Variants in RAB3GAP2 observed in about 807,000 individuals in gnomAD.
RAB3GAP2 encodes the protein rab3 GTPase-activating protein non-catalytic subunit.
In RAB3GAP2, 87 loss-of-function variants were observed where a neutral mutation model predicts 185.3. The observed-to-expected ratio is 0.47, with a 90% CI of 0.39 to 0.56. The LOEUF (loss-of-function observed/expected upper bound fraction) is 0.56. Among genes scored for constraint, RAB3GAP2 ranks in the 20% least tolerant of loss-of-function variants. The pLI is 0.00. For synonymous variants in RAB3GAP2, 554 were observed against 576.1 expected (o/e 0.96, Z 0.55); for missense variants, 1,492 against 1,638.2 (o/e 0.91, Z 1.54).
chr1:220,272,361 C>A lies in RAB3GAP2; in HGVS notation c.-24G>T. The A allele has an allele frequency of 1.3e-6, 2 of 1,557,262 alleles. No homozygotes were observed. The highest frequency in any genetic ancestry group is 1.1e-5 in the South Asian group (1 of 87,108). On this transcript the variant is annotated 5_prime_UTR_variant, in exon 1 of 35. Coordinates refer to ENST00000358951, the MANE Select transcript of RAB3GAP2 (RefSeq NM_012414.4). ...ATGGCTCCAGGGAACCCCACTACGG[C>A]ACTCACCTTACCTCACCACGCCCTG...
chr1:220,261,942 T>A (rs1419092562), intron 1 of RAB3GAP2, among the ~76,000 whole-genome samples: 1 of 152,034 alleles, frequency 6.6e-6, no homozygotes, highest in Non-Finnish European at 1.5e-5. Flanking sequence ...GTCGCGTTTT[T>A]AAATAATCTA....
intron 28 of RAB3GAP2, among the ~76,000 whole-genome samples, chr1:220,161,278 A>T (rs754919350): frequency 6.6e-6 from 1 of 152,192 alleles, no homozygotes; most frequent in Non-Finnish European, 1.5e-5. Flanking sequence ...AGTGGCCTAA[A>T]GTTGGGTCTT....
intron 1 of RAB3GAP2, among the ~76,000 whole-genome samples, chr1:220,270,903 T>C (rs975810032): frequency 6.6e-6 from 1 of 152,228 alleles, no homozygotes; most frequent in African/African-American, 2.4e-5. Flanking sequence ...TACTGCCTCA[T>C]TGCCCCAACT....
chr1:220,167,616 A>G lies in RAB3GAP2; in HGVS notation c.2866T>C (p.Leu956=), dbSNP rs1463867409. ...IFKQDFSPEV[L]KLANEERDAE... ...TCTCTTTCTTCATTAGCCAGTTTTAATACTTCAGGGCTGAAGTCCTGTTTA... is the reference window on the plus strand; with the variant it reads ...TCTCTTTCTTCATTAGCCAGTTTTAGTACTTCAGGGCTGAAGTCCTGTTTA... The change falls in exon 25 of 35, where the codon TTA becomes CTA. Residue 956 remains leucine (L), a synonymous_variant. Coordinates refer to ENST00000358951, the MANE Select transcript of RAB3GAP2 (RefSeq NM_012414.4). 1.9e-6 allele frequency: 3 copies of G among 1,614,118 alleles called. No homozygotes were observed. The highest frequency in any genetic ancestry group is 8.5e-7 in the Non-Finnish European group (1 of 1,179,976).
chr1:220,197,053 C>T (rs1238718104), intron 9 of RAB3GAP2, among the ~76,000 whole-genome samples: 1 of 151,486 alleles, frequency 6.6e-6, no homozygotes, highest in African/African-American at 2.4e-5. Context: ...ATGGTGCAAT[C>T]TCAGCTCACT....
At chr1:220,203,666 TACCC>T (rs1287172840) in intron 8 of RAB3GAP2, among the ~76,000 whole-genome samples, 1 of 152,232 alleles carries the variant, frequency 6.6e-6, no homozygotes, top group African/African-American at 2.4e-5. Context: ...ATAAACTTCT[TACCC>T]ACAGGAAATT....
In RAB3GAP2 at chr1:220,157,425, C is replaced by G. The variant is rs138489010; in HGVS notation, c.3400G>C (p.Val1134Leu). The G allele has an allele frequency of 6.1e-5, 99 of 1,613,986 alleles. No homozygotes were observed. In the East Asian group the frequency reaches 2.2e-3, roughly 35 times the overall value. Residue 1134 changes from valine (V) to leucine (L), a missense_variant, in exon 31 of 35, where the codon GTG (valine) becomes CTG (leucine). This residue lies in a region of RAB3GAP2 where 387 missense variants were observed against 455.3 expected (regional missense o/e 0.85). Transcript: ENST00000358951. ...VLDTEDAWLS[V>L]EGPISIVELA... ...TCCACTATGGAGATTGGTCCTTCCA[C>G]GGAGAGCCACGCATCCTCAGTATCC...
chr1:220,185,685 G>A lies in RAB3GAP2; in HGVS notation c.1836C>T (p.Ile612=). The part of the protein sequence containing the change: ...ERLPFSCLRN[I]TQTLMDTLKS... Reference sequence around the variant, plus strand: ...TTAAAGTGTCCATTAAAGTCTGAGTGATGTTTCTAAGGCAAGAAAATGGTA... The same window carrying A: ...TTAAAGTGTCCATTAAAGTCTGAGTAATGTTTCTAAGGCAAGAAAATGGTA... Residue 612 remains isoleucine (I), a synonymous_variant, in exon 18 of 35, where the codon ATC becomes ATT. Coordinates refer to ENST00000358951, the MANE Select transcript of RAB3GAP2 (RefSeq NM_012414.4). 1 of 1,612,360 alleles carries A rather than the reference G, an allele frequency of 6.2e-7. No homozygotes were observed. The highest frequency in any genetic ancestry group is 1.1e-5 in the South Asian group (1 of 91,046).
intron 4 of RAB3GAP2, among the ~76,000 whole-genome samples, chr1:220,211,865 G>C (rs1173794906): frequency 6.6e-6 from 1 of 152,144 alleles, no homozygotes; most frequent in Non-Finnish European, 1.5e-5. Context: ...AAAACACTTA[G>C]ACTAAATGGC....
intron 1 of RAB3GAP2, among the ~76,000 whole-genome samples, chr1:220,242,513 A>C (rs1210869506): frequency 8.7e-6 from 1 of 114,338 alleles, no homozygotes. Context: ...CATTGAAATG[A>C]AGGTTTCCGT....
intron 2 of RAB3GAP2, among the ~76,000 whole-genome samples, chr1:220,220,898 A>AAATTGCCC (rs1659293949): frequency 2.6e-5 from 4 of 152,164 alleles, no homozygotes; most frequent in Admixed American, 2.6e-4. Flanking sequence ...TTTCTTTTGT[A>AAATTGCCC]AATTGCCCAG....
chr1:220,222,612 T>G (rs1659327866), intron 2 of RAB3GAP2, among the ~76,000 whole-genome samples: 1 of 152,240 alleles, frequency 6.6e-6, no homozygotes, highest in African/African-American at 2.4e-5. Flanking sequence ...TTTCTAGCAT[T>G]AGAGGAACTT....
chr1:220,272,280 A>C lies in RAB3GAP2; in HGVS notation c.58T>G (p.Phe20Val), dbSNP rs1254691892. 1.9e-6 allele frequency: 3 copies of C among 1,612,318 alleles called. No homozygotes were observed. The highest frequency in any genetic ancestry group is 4.5e-5 in the East Asian group (2 of 44,808). Residue 20 changes from phenylalanine (F) to valine (V), a missense_variant, in exon 1 of 35, where the codon TTC becomes GTC. Physicochemically the swap from Phe to Val is conservative, Grantham distance 50. Coordinates refer to ENST00000358951, the MANE Select transcript of RAB3GAP2 (RefSeq NM_012414.4). ...TCCTCCCGCAGGTGAGGAAAGAGGA[A>C]GTCCCGGGCGGCCTGGAGGTCCTGG... Reference protein sequence around the residue: ...YFQDLQAARDFLFPHLREEIL... With the variant: ...YFQDLQAARDVLFPHLREEIL...
At chr1:220,251,439 GAA>G (rs1659928564) in intron 1 of RAB3GAP2, among the ~76,000 whole-genome samples, 1 of 152,070 alleles carries the variant, frequency 6.6e-6, no homozygotes, top group Non-Finnish European at 1.5e-5. Flanking sequence ...TAAAACAATA[GAA>G]AAAGTTTAAA....
At chr1:220,164,850 AG>A (rs1658035999) in intron 26 of RAB3GAP2, 51 bp from the exon 27 acceptor site, 3 of 1,530,426 alleles carry the variant, frequency 2.0e-6, no homozygotes, top group South Asian at 2.4e-5. Context: ...ATCATTTAAT[AG>A]GTTTTACCAT....
chr1:220,178,900 A>G (rs1658345951), intron 21 of RAB3GAP2, among the ~76,000 whole-genome samples: 2 of 152,140 alleles, frequency 1.3e-5, no homozygotes, highest in Non-Finnish European at 2.9e-5. Flanking sequence ...GAAGGCTGAG[A>G]GGAGATAATA....
At chr1:220,219,584 T>C (rs1659264379) in intron 2 of RAB3GAP2, 1 of 152,212 alleles carries the variant, frequency 6.6e-6, no homozygotes, top group Admixed American at 6.5e-5. Context: ...CTCTCTCTGC[T>C]TTAATGTATC....
chr1:220,194,113 C>G (rs1658678070), intron 12 of RAB3GAP2, among the ~76,000 whole-genome samples: 1 of 152,028 alleles, frequency 6.6e-6, no homozygotes, highest in Non-Finnish European at 1.5e-5. Context: ...GTTGGCTCTT[C>G]TTAGGTGAAG....
At position 220,242,408 on chromosome 1, in the gene RAB3GAP2, A is replaced by T. The variant is rs142488786; in HGVS notation, c.116-9545T>A. ...CCTGGCCTAAAGTGGTGTATAATTT[A>T]GTGCACAATATAGAGACATCAACAG... On this transcript the variant is annotated intron_variant, in intron 1 of 34. Coordinates refer to ENST00000358951, the MANE Select transcript of RAB3GAP2 (RefSeq NM_012414.4). Among the ~76,000 whole-genome samples the T allele has an allele frequency of 6.3e-3, 960 of 152,224 alleles. 8 individuals carry two copies. Among genetic ancestry groups the T allele is most frequent in the African/African-American group, 0.022 (904 of 41,538 alleles).
Sources: allele counts gnomAD v4.1 joint callset (sites outside exome capture counted in the v4.1 genomes callset), GRCh38; gene constraint gnomAD v4.1.1; regional missense constraint gnomAD v4.1.1; transcripts MANE v1.5; gene names NCBI Gene and HGNC (gene_info 2026-07-23, HGNC 2026-07-21).